Variants in LRRFIP1 observed in about 807,000 individuals in gnomAD.
LRRFIP1 encodes the protein LRR binding FLII interacting protein 1, also known as leucine-rich repeat flightless-interacting protein 1.
A neutral mutation model predicts 104.4 loss-of-function variants in LRRFIP1; 62 were observed. That is an observed-to-expected ratio of 0.59 (90% CI 0.48 to 0.73). The LOEUF is 0.73. Ranked by LOEUF, LRRFIP1 falls within the 30% of genes least tolerant of loss-of-function variation. LRRFIP1 has a pLI of 0.00. For synonymous variants in LRRFIP1, 300 were observed against 299.0 expected (o/e 1.00, Z -0.03); for missense variants, 796 against 824.5 (o/e 0.97, Z 0.42).
chr2:237,777,143 A>G (rs989134299), intron 23 of LRRFIP1, among the ~76,000 whole-genome samples: 1 of 152,112 alleles, frequency 6.6e-6, no homozygotes, highest in South Asian at 2.1e-4. Flanking sequence ...ACCCTCACAC[A>G]TATGTGTATA....
chr2:237,656,624 G>T (rs1356557222), intron 1 of LRRFIP1, among the ~76,000 whole-genome samples: 1 of 152,142 alleles, frequency 6.6e-6, no homozygotes, highest in Non-Finnish European at 1.5e-5. Flanking sequence ...ATATTTTATG[G>T]AATATCCATG....
chr2:237,751,868 C>A (rs1013820050), intron 14 of LRRFIP1, among the ~76,000 whole-genome samples: 8 of 152,172 alleles, frequency 5.3e-5, no homozygotes, highest in Admixed American at 5.2e-4. Context: ...TGTTCCTTGA[C>A]AGTAAGGTGG....
At chr2:237,726,735 T>C (rs1207837333) in intron 7 of LRRFIP1, among the ~76,000 whole-genome samples, 2 of 152,220 alleles carry the variant, frequency 1.3e-5, no homozygotes, top group Admixed American at 6.5e-5. Flanking sequence ...TGCTCCTCCT[T>C]TTTCTGTCCC....
chr2:237,708,726 G>T lies in LRRFIP1; in HGVS notation c.183+96G>T, dbSNP rs766692306. ...GCACCTGTTGCTGCAGACGCACCTGGCTGTCTCACGTTGCTCACGGTCAGA... is the reference window on the plus strand; with the variant it reads ...GCACCTGTTGCTGCAGACGCACCTGTCTGTCTCACGTTGCTCACGGTCAGA... On this transcript the variant is annotated intron_variant, in intron 2 of 23. Transcript: ENST00000308482. The T allele has an allele frequency of 1.4e-5, 19 of 1,340,196 alleles. No individual in the cohort carries two copies. In the African/African-American group the frequency reaches 2.8e-4, roughly 19 times the overall value. The allele number at this position is 1,340,196 out of a possible 1,614,324, so 83.0% of individuals were successfully genotyped here. A position where few individuals can be genotyped will look rare whatever the true frequency, so the allele number is the denominator to read the frequency against.
At chr2:237,771,249 C>T (rs1029012748) in intron 20 of LRRFIP1, among the ~76,000 whole-genome samples, 1 of 149,914 alleles carries the variant, frequency 6.7e-6, no homozygotes, top group Non-Finnish European at 1.5e-5. Context: ...GTCAGCCCTC[C>T]ATATCCATGG....
In LRRFIP1 at chr2:237,687,394, C is replaced by G. The variant is rs55791393; in HGVS notation, c.97-21150C>G. Among the ~76,000 whole-genome samples the G allele has an allele frequency of 9.7e-3, 1,477 of 152,048 alleles. 28 individuals are homozygous for G. The highest frequency in any genetic ancestry group is 0.033 in the African/African-American group (1,385 of 41,456). ...GTGAGGCGGGTGGTTCACTTGAGGT[C>G]AGGAGTTCGAGACCAGCCTGGCCAA... On this transcript the variant is annotated intron_variant, in intron 1 of 23. Transcript: ENST00000308482.
chr2:237,655,788 A>G (rs569383811), intron 1 of LRRFIP1, among the ~76,000 whole-genome samples: 3 of 152,344 alleles, frequency 2.0e-5, no homozygotes, highest in African/African-American at 7.2e-5. Flanking sequence ...CACATGAACA[A>G]AAAGGGCAAA....
At chr2:237,665,186 T>G (rs191636119) in intron 1 of LRRFIP1, among the ~76,000 whole-genome samples, 1 of 152,304 alleles carries the variant, frequency 6.6e-6, no homozygotes, top group Admixed American at 6.5e-5. Flanking sequence ...ACTAAAATTC[T>G]AAGGTTAAAG....
intron 7 of LRRFIP1, among the ~76,000 whole-genome samples, chr2:237,725,927 T>A (rs1220461983): frequency 6.6e-6 from 1 of 152,246 alleles, no homozygotes; most frequent in Non-Finnish European, 1.5e-5. Context: ...TGTCATACAT[T>A]TCTCTTCCTC....
chr2:237,719,428 G>A (rs1288064129), intron 4 of LRRFIP1, 95 bp from the exon 5 acceptor site: 41 of 777,856 alleles, frequency 5.3e-5, no homozygotes, highest in South Asian at 4.7e-4. Context: ...CAGAACTGCT[G>A]TATTATGGTG....
At chr2:237,741,848 AAAAAGAAAG>A (rs924650836) in intron 11 of LRRFIP1, among the ~76,000 whole-genome samples, 1 of 152,138 alleles carries the variant, frequency 6.6e-6, no homozygotes, top group Non-Finnish European at 1.5e-5. Context: ...AAAAAAGAAA[AAAAAGAAAG>A]AAAAGAAAAT....
chr2:237,720,010 C>T (rs938904228), intron 5 of LRRFIP1, among the ~76,000 whole-genome samples: 5 of 134,246 alleles, frequency 3.7e-5, no homozygotes, highest in East Asian at 2.2e-4. Flanking sequence ...TGCAGTGGTG[C>T]GGTTTTGGCT....
At chr2:237,642,011 T>A (rs1373266045) in intron 1 of LRRFIP1, among the ~76,000 whole-genome samples, 1 of 152,152 alleles carries the variant, frequency 6.6e-6, no homozygotes, top group Non-Finnish European at 1.5e-5. Context: ...CATGAGAGAA[T>A]CTTTGGGGTA....
intron 23 of LRRFIP1, among the ~76,000 whole-genome samples, chr2:237,775,286 A>G (rs1290565364): frequency 6.6e-6 from 1 of 150,902 alleles, no homozygotes; most frequent in Non-Finnish European, 1.5e-5. Flanking sequence ...AACTGGGAGA[A>G]AGCCTTCCGC....
intron 1 of LRRFIP1, among the ~76,000 whole-genome samples, chr2:237,658,637 A>C (rs1214369928): frequency 6.6e-6 from 1 of 152,248 alleles, no homozygotes; most frequent in Non-Finnish European, 1.5e-5. Context: ...TCATGGCAGA[A>C]GATGAAGGGG....
At chr2:237,720,995 TG>T in intron 6 of LRRFIP1, 173 bp downstream of exon 6, 1 of 606,880 alleles carries the variant, frequency 1.6e-6, no homozygotes, top group Non-Finnish European at 3.0e-6. Flanking sequence ...TCTTTGTTGC[TG>T]TAGAGAGATG....
chr2:237,736,301 AGTT>A (rs1380429187), intron 10 of LRRFIP1, among the ~76,000 whole-genome samples: 1 of 152,198 alleles, frequency 6.6e-6, no homozygotes, highest in African/African-American at 2.4e-5. Flanking sequence ...ATATTACATA[AGTT>A]GTTCAGTATT....
At chr2:237,662,348 A>G (rs866755053) in intron 1 of LRRFIP1, among the ~76,000 whole-genome samples, 7 of 152,106 alleles carry the variant, frequency 4.6e-5, no homozygotes. Flanking sequence ...ATAAGGCCCC[A>G]TCCACGGGTT....
At chr2:237,672,330 G>A (rs999683859) in intron 1 of LRRFIP1, among the ~76,000 whole-genome samples, 1 of 152,172 alleles carries the variant, frequency 6.6e-6, no homozygotes, top group Non-Finnish European at 1.5e-5. Flanking sequence ...AGCGCACACA[G>A]CAAGCTAGCT....
Sources: allele counts gnomAD v4.1 joint callset (sites outside exome capture counted in the v4.1 genomes callset), GRCh38; gene constraint gnomAD v4.1.1; transcripts MANE v1.5; gene names NCBI Gene and HGNC (gene_info 2026-07-23, HGNC 2026-07-21).